PPARG: variants seen among roughly 807,000 people sequenced by gnomAD.
PPARG encodes peroxisome proliferator activated receptor gamma.
In PPARG, 17 loss-of-function variants were observed where a neutral mutation model predicts 39.2. The ratio of observed to expected loss-of-function variants is 0.43; its 90% CI spans 0.30 to 0.65. The LOEUF is 0.65. Ranked by LOEUF, PPARG falls within the 30% of genes least tolerant of loss-of-function variation. PPARG has a pLI of 0.13. For missense variants in PPARG, 406 were observed against 585.9 expected (o/e 0.69, Z 3.17); for synonymous variants, 223 against 215.7 (o/e 1.03, Z -0.30).
intron 1 of PPARG, among the ~76,000 whole-genome samples, chr3:12,306,425 T>C (rs891566971): frequency 1.2e-4 from 18 of 152,122 alleles, no homozygotes; most frequent in African/African-American, 3.9e-4. Flanking sequence ...TAAAGTCAGA[T>C]GAAGAAACAG....
chr3:12,348,975 G>T (rs551780991), intron 2 of PPARG, among the ~76,000 whole-genome samples: 1 of 152,174 alleles, frequency 6.6e-6, no homozygotes, highest in African/African-American at 2.4e-5. Context: ...GGATAGTCAC[G>T]TGCATGTCTT....
chr3:12,326,914 G>T (rs1169507738), intron 2 of PPARG, among the ~76,000 whole-genome samples: 2 of 152,122 alleles, frequency 1.3e-5, no homozygotes, highest in East Asian at 3.8e-4. Context: ...CCTGGGTTTT[G>T]ATTCAAGATA....
chr3:12,311,747 A>G (rs1574969968), intron 1 of PPARG, among the ~76,000 whole-genome samples: 1 of 152,142 alleles, frequency 6.6e-6, no homozygotes, highest in African/African-American at 2.4e-5. Context: ...CATAAGAGAT[A>G]AGGTTGTGAA....
At chr3:12,310,818 A>AAAAAAAAAC (rs1559488691) in intron 1 of PPARG, among the ~76,000 whole-genome samples, 1 of 147,838 alleles carries the variant, frequency 6.8e-6, no homozygotes, top group African/African-American at 2.6e-5. Context: ...AAAAAAAAAA[A>AAAAAAAAAC]AAAAAACCCA....
At chr3:12,315,816 C>T (rs756394303) in intron 2 of PPARG, among the ~76,000 whole-genome samples, 1 of 152,132 alleles carries the variant, frequency 6.6e-6, no homozygotes, top group Non-Finnish European at 1.5e-5. Context: ...CACATCTTAG[C>T]AGTGTTTTTT....
At position 12,361,197 on chromosome 3, in the gene PPARG, A is replaced by G. The variant is rs1052719960; in HGVS notation, c.-8-18507A>G. Among the ~76,000 whole-genome samples the G allele has an allele frequency of 8.2e-4, 125 of 152,304 alleles. 1 individual carries two copies. The highest frequency in any genetic ancestry group is 1.5e-3 in the Non-Finnish European group (103 of 68,014). On this transcript the variant is annotated intron_variant, in intron 2 of 7. Transcript: ENST00000651735. The stretch of plus-strand genomic sequence containing the variant: ...AAAAGCGTTTGTTGTCCATTTGGCT[A>G]TCCTTTCTTGTAAAGTACCTGTTCA...
intron 5 of PPARG, among the ~76,000 whole-genome samples, chr3:12,397,646 A>G (rs1210318003): frequency 6.6e-6 from 1 of 151,804 alleles, no homozygotes; most frequent in Non-Finnish European, 1.5e-5. Flanking sequence ...TCCTGACCTC[A>G]TGATCTGCCC....
At chr3:12,376,169 G>A (rs1421726324) in intron 2 of PPARG, among the ~76,000 whole-genome samples, 5 of 151,968 alleles carry the variant, frequency 3.3e-5, no homozygotes, top group South Asian at 2.1e-4. Flanking sequence ...GGCTGGTCTC[G>A]AACTCCTGAC....
In PPARG at chr3:12,405,980, C is replaced by T. The variant is rs745376706; in HGVS notation, c.628C>T (p.Arg210Trp). ...GCTGAATCCAGAGTCCGCTGACCTC[C>T]GGGCCCTGGCAAAACATTTGTATGA... ...DQLNPESADL[R>W]ALAKHLYDSY... The change falls in exon 6 of 8, where the codon CGG (arginine) becomes TGG (tryptophan). Residue 210 changes from arginine (R) to tryptophan (W), a missense_variant. Physicochemically the swap from Arg to Trp is moderately radical, Grantham distance 101 (BLOSUM62 -3). Transcript: ENST00000651735. The T allele has an allele frequency of 6.8e-6, 11 of 1,614,000 alleles. No individual in the cohort carries two copies. Among genetic ancestry groups the T allele is most frequent in the Admixed American group, 1.7e-5 (1 of 60,000 alleles).
intron 1 of PPARG, among the ~76,000 whole-genome samples, chr3:12,303,019 G>T (rs1295714105): frequency 2.6e-5 from 4 of 152,176 alleles, no homozygotes; most frequent in African/African-American, 7.2e-5. Context: ...AGTAAGGGTA[G>T]ATTTGAGGGT....
At chr3:12,295,553 G>T (rs1364456669) in intron 1 of PPARG, among the ~76,000 whole-genome samples, 5 of 145,790 alleles carry the variant, frequency 3.4e-5, no homozygotes, top group African/African-American at 7.6e-5. Context: ...CGCTCTTGTT[G>T]CCCAGGTTGG....
intron 5 of PPARG, among the ~76,000 whole-genome samples, chr3:12,400,328 C>T (rs1050896289): frequency 6.6e-6 from 1 of 152,052 alleles, no homozygotes; most frequent in African/African-American, 2.4e-5. Context: ...AGCGTTATAC[C>T]CAGATCCAAA....
intron 2 of PPARG, among the ~76,000 whole-genome samples, chr3:12,353,729 G>T (rs1034666535): frequency 2.0e-5 from 3 of 152,126 alleles, no homozygotes; most frequent in African/African-American, 7.2e-5. Context: ...TTTTTCCAAG[G>T]CTCCATCATT....
intron 6 of PPARG, among the ~76,000 whole-genome samples, chr3:12,412,928 C>T (rs56084998): frequency 0.16 from 23,782 of 152,130 alleles, 6,145 homozygotes; most frequent in African/African-American, 0.54. Flanking sequence ...TGTTAGCCCC[C>T]AACTAGAAGT....
At chr3:12,328,142 A>G (rs878937385) in intron 2 of PPARG, 2 of 1,277,628 alleles carry the variant, frequency 1.6e-6, no homozygotes, top group East Asian at 2.3e-5. Context: ...GCAATTCACA[A>G]TCAACTGTTA....
At chr3:12,395,150 T>C (rs1255572953) in intron 5 of PPARG, among the ~76,000 whole-genome samples, 1 of 152,210 alleles carries the variant, frequency 6.6e-6, no homozygotes, top group Non-Finnish European at 1.5e-5. Context: ...GATCACCATG[T>C]CCTTTCACTT....
chr3:12,373,702 T>C (rs1230264891), intron 2 of PPARG, among the ~76,000 whole-genome samples: 5 of 152,056 alleles, frequency 3.3e-5, no homozygotes, highest in Non-Finnish European at 7.4e-5. Context: ...CATGGGAAGA[T>C]AGAATAATAA....
At chr3:12,328,129 G>A (rs947176559) in intron 2 of PPARG, 30 of 1,307,280 alleles carry the variant, frequency 2.3e-5, no homozygotes, top group Non-Finnish European at 3.3e-5. Context: ...TCAGTCCAAG[G>A]AAGCAATTCA....
At chr3:12,422,911 A>T (rs771206311) in intron 7 of PPARG, among the ~76,000 whole-genome samples, 48 of 152,086 alleles carry the variant, frequency 3.2e-4, no homozygotes, top group Non-Finnish European at 5.7e-4. Flanking sequence ...AAAAGAAAAA[A>T]GAATCTCCAG....
Sources: allele counts gnomAD v4.1 joint callset (sites outside exome capture counted in the v4.1 genomes callset), GRCh38; gene constraint gnomAD v4.1.1; transcripts MANE v1.5; gene names NCBI Gene and HGNC (gene_info 2026-07-23, HGNC 2026-07-21).